The following RXRA variants were observed in gnomAD, a reference collection of about 807,000 sequenced individuals.
The protein encoded by RXRA is retinoid X receptor alpha.
In RXRA, 5 loss-of-function variants were observed where a neutral mutation model predicts 44.5. The observed-to-expected ratio is 0.11, with a 90% CI of 0.06 to 0.24. The LOEUF (loss-of-function observed/expected upper bound fraction) is 0.24, where lower values mean the gene tolerates loss of function less well. Ranked by LOEUF, RXRA falls within the 10% of genes least tolerant of loss-of-function variation. The pLI, the probability that RXRA is intolerant of heterozygous loss-of-function variation, is 1.00. For synonymous variants in RXRA, 291 were observed against 271.4 expected (o/e 1.07, Z -0.71); for missense variants, 412 against 646.5 (o/e 0.64, Z 3.93).
At chr9:134,400,521 TAGGGTGGGGGCAGGCAGGC>T (rs1564285565) in intron 1 of RXRA, among the ~76,000 whole-genome samples, 1 of 151,994 alleles carries the variant, frequency 6.6e-6, no homozygotes, top group Non-Finnish European at 1.5e-5. Flanking sequence ...CCGTCGGAGA[TAGGGTGGGGGCAGGCAGGC>T]AGTGCCTCCA....
chr9:134,391,666 A>G (rs1044457959), intron 1 of RXRA, among the ~76,000 whole-genome samples: 1 of 152,134 alleles, frequency 6.6e-6, no homozygotes, highest in African/African-American at 2.4e-5. Context: ...AGAGGTGAGC[A>G]TTCTGCCAAG....
At chr9:134,350,748 G>A (rs1275541776) in intron 1 of RXRA, among the ~76,000 whole-genome samples, 1 of 152,256 alleles carries the variant, frequency 6.6e-6, no homozygotes, top group Non-Finnish European at 1.5e-5. Context: ...GAGGTGGGTG[G>A]GGGTGGGGAT....
intron 1 of RXRA, among the ~76,000 whole-genome samples, chr9:134,350,308 C>T (rs782715711): frequency 6.6e-6 from 1 of 152,152 alleles, no homozygotes; most frequent in Non-Finnish European, 1.5e-5. Context: ...GCTCTCTGGC[C>T]CCCGCCTCGC....
rs1047388150 is a variant in RXRA at position 134,407,330 on chromosome 9, G to A, written c.280-819G>A. Among the ~76,000 whole-genome samples the A allele has an allele frequency of 1.3e-5, 2 of 152,226 alleles. No homozygotes were observed. The highest frequency in any genetic ancestry group is 2.9e-5 in the Non-Finnish European group (2 of 68,038). On this transcript the variant is annotated intron_variant, in intron 2 of 9. Coordinates refer to ENST00000481739, the MANE Select transcript of RXRA (RefSeq NM_002957.6). The surrounding 1 kb of genome is among the most constrained non-coding windows in gnomAD (Gnocchi z 4.8). ...GGGGTTTGCAGAAGTGGAGGCTGGGGGCTGCCTGGCCAAGCGCTTACCGCC... is the reference window on the plus strand; with the variant it reads ...GGGGTTTGCAGAAGTGGAGGCTGGGAGCTGCCTGGCCAAGCGCTTACCGCC...
chr9:134,419,322 A>T (rs778922434), intron 5 of RXRA, among the ~76,000 whole-genome samples: 1 of 152,222 alleles, frequency 6.6e-6, no homozygotes. Flanking sequence ...TTGGGGGGGA[A>T]TCTGCCATCT....
intron 8 of RXRA, 88 bp from the exon 9 acceptor site, chr9:134,434,014 G>A (rs927420933): frequency 8.5e-6 from 8 of 941,980 alleles, no homozygotes; most frequent in African/African-American, 8.0e-5. Context: ...GGGCAGCCTG[G>A]GAGACCCCAC....
intron 1 of RXRA, among the ~76,000 whole-genome samples, chr9:134,374,737 A>G (rs1182024763): frequency 6.6e-6 from 1 of 152,168 alleles, no homozygotes; most frequent in Non-Finnish European, 1.5e-5. Flanking sequence ...TTTCATTCCT[A>G]CAGAAGAGGA....
chr9:134,341,795 C>T (rs1830089514), intron 1 of RXRA, among the ~76,000 whole-genome samples: 1 of 152,212 alleles, frequency 6.6e-6, no homozygotes, highest in African/African-American at 2.4e-5. Context: ...TGCCACCCCT[C>T]CTCTGGGTCT....
chr9:134,332,426 ACC>A (rs1430189427), intron 1 of RXRA, among the ~76,000 whole-genome samples: 1 of 151,648 alleles, frequency 6.6e-6, no homozygotes, highest in African/African-American at 2.4e-5. Flanking sequence ...AGCCTTGACA[ACC>A]CTGGCTGGGG....
chr9:134,434,918 C>T (rs1483802303), intron 9 of RXRA, among the ~76,000 whole-genome samples: 1 of 152,176 alleles, frequency 6.6e-6, no homozygotes, highest in South Asian at 2.1e-4. Flanking sequence ...CCCAGGCCTT[C>T]CCGCCACCAG....
chr9:134,354,128 G>A (rs575632029), intron 1 of RXRA, among the ~76,000 whole-genome samples: 13 of 152,154 alleles, frequency 8.5e-5, no homozygotes, highest in South Asian at 2.1e-4. Context: ...CTCTTCTGAC[G>A]GATGGGATGG....
intron 6 of RXRA, chr9:134,422,779 A>G (rs1022628590): frequency 1.0e-6 from 1 of 985,318 alleles, no homozygotes; most frequent in African/African-American, 1.7e-5. Context: ...GAGGTGTACC[A>G]TGCGGGGTCT....
chr9:134,423,367 C>G lies in RXRA; in HGVS notation c.910+1562C>G, dbSNP rs12340854. On this transcript the variant is annotated intron_variant, in intron 6 of 9. Coordinates refer to ENST00000481739, the MANE Select transcript of RXRA (RefSeq NM_002957.6). The stretch of plus-strand genomic sequence containing the variant: ...CCCGCTACCGCACTGTGGGCTCCGC[C>G]GCCTCAGCCCGACTGGGGAGCCTCA... The G allele has an allele frequency of 2.5e-3, 2,426 of 985,452 alleles. 40 individuals are homozygous for G. In the African/African-American group the frequency reaches 0.038, roughly 15 times the overall value. The allele number at this position is 985,452 out of a possible 1,614,324, so 61.0% of individuals were successfully genotyped here.
rs1831670109 is a variant in RXRA at position 134,438,549 on chromosome 9, C to T, written c.*1935C>T. ...CACCGTCCTGAGGCAGAGTGTTGAG[C>T]CTCATACCTGTACCAGGTCCCCGGC... On this transcript the variant is annotated 3_prime_UTR_variant, in exon 10 of 10. Coordinates refer to ENST00000481739, the MANE Select transcript of RXRA (RefSeq NM_002957.6). 1 of 152,510 alleles carries T rather than the reference C, an allele frequency of 6.6e-6. No individual in the cohort carries two copies. Among genetic ancestry groups the T allele is most frequent in the Non-Finnish European group, 1.5e-5 (1 of 68,070 alleles). 9.4% of individuals were successfully genotyped at this position (152,510 alleles called of 1,614,324 possible).
chr9:134,430,926 C>T (rs1831522461), intron 7 of RXRA, among the ~76,000 whole-genome samples: 1 of 152,200 alleles, frequency 6.6e-6, no homozygotes, highest in East Asian at 1.9e-4. Context: ...TGCCCGCTGC[C>T]CCATCCCTCT....
chr9:134,434,777 C>T (rs989151800), intron 9 of RXRA, among the ~76,000 whole-genome samples: 2 of 150,996 alleles, frequency 1.3e-5, no homozygotes, highest in African/African-American at 2.4e-5. Flanking sequence ...GGATCCCTGC[C>T]TGGGATTCAA....
At chr9:134,368,697 G>C (rs1258160075) in intron 1 of RXRA, among the ~76,000 whole-genome samples, 1 of 151,552 alleles carries the variant, frequency 6.6e-6, no homozygotes, top group Non-Finnish European at 1.5e-5. Flanking sequence ...ATACGTGAAT[G>C]TGTGTGGATG....
chr9:134,426,677 G>A lies in RXRA; in HGVS notation c.911-2431G>A. 1 of 985,438 alleles carries A rather than the reference G, an allele frequency of 1.0e-6. No individual in the cohort carries two copies. Among genetic ancestry groups the A allele is most frequent in the Non-Finnish European group, 1.2e-6 (1 of 829,934 alleles). The allele number at this position is 985,438 out of a possible 1,614,324, so 61.0% of individuals were successfully genotyped here. ...GGCGAGTCTACCCTGGTGCCTGCTG[G>A]GTGGCCTCAGGGGCTCTCGGGGCAG... On this transcript the variant is annotated intron_variant, in intron 6 of 9. Transcript: ENST00000481739. This position sits in a 1 kb window ranked among gnomAD's most constrained non-coding sequence, Gnocchi z 4.6.
chr9:134,360,905 G>A (rs975588604), intron 1 of RXRA, among the ~76,000 whole-genome samples: 3 of 152,244 alleles, frequency 2.0e-5, no homozygotes, highest in African/African-American at 4.8e-5. Context: ...CTCTGAGCCC[G>A]ATGCAGGGCG....
Sources: allele counts gnomAD v4.1 joint callset (sites outside exome capture counted in the v4.1 genomes callset), GRCh38; gene constraint gnomAD v4.1.1; non-coding constraint Gnocchi (gnomAD v3.1); transcripts MANE v1.5; gene names NCBI Gene and HGNC (gene_info 2026-07-23, HGNC 2026-07-21).